The following PTPRD variants were observed in gnomAD, a reference collection of about 807,000 sequenced individuals.
PTPRD encodes the protein receptor-type tyrosine-protein phosphatase delta.
In PTPRD, 34 loss-of-function variants were observed where a neutral mutation model predicts 214.5. The ratio of observed to expected loss-of-function variants is 0.16; its 90% CI spans 0.12 to 0.21. The LOEUF is 0.21. PTPRD is among the 10% of genes least tolerant of loss of function. The pLI is 1.00. For synonymous variants in PTPRD, 1,128 were observed against 845.7 expected, an observed-to-expected ratio of 1.33 and a Z score of -5.79; for missense variants, 2,545 against 2,398.7, an observed-to-expected ratio of 1.06 and a Z score of -1.27.
At chr9:10,547,142 C>G (rs1413566081) in intron 2 of PTPRD, among the ~76,000 whole-genome samples, 1 of 152,064 alleles carries the variant, frequency 6.6e-6, no homozygotes, top group South Asian at 2.1e-4. Flanking sequence ...TCAATATCAA[C>G]AGAAGAATTG....
At chr9:9,057,113 A>G (rs989468741) in intron 10 of PTPRD, among the ~76,000 whole-genome samples, 1 of 152,216 alleles carries the variant, frequency 6.6e-6, no homozygotes, top group East Asian at 1.9e-4. Flanking sequence ...AACATATTAA[A>G]TAGTTGGCAT....
chr9:8,612,728 G>T (rs945586787), intron 14 of PTPRD, among the ~76,000 whole-genome samples: 1 of 152,184 alleles, frequency 6.6e-6, no homozygotes, highest in African/African-American at 2.4e-5. Flanking sequence ...ACTTCTGGGG[G>T]ACCCTGAGGC....
At chr9:10,324,666 A>T (rs1313548845) in intron 3 of PTPRD, among the ~76,000 whole-genome samples, 1 of 151,998 alleles carries the variant, frequency 6.6e-6, no homozygotes, top group African/African-American at 2.4e-5. Context: ...TTTCTGATAG[A>T]ATCTGCTGTG....
At chr9:10,324,853 T>A (rs540971482) in intron 3 of PTPRD, among the ~76,000 whole-genome samples, 1 of 152,142 alleles carries the variant, frequency 6.6e-6, no homozygotes, top group South Asian at 2.1e-4. Context: ...GTTCTCAAAG[T>A]TTTGGAACTA....
intron 14 of PTPRD, among the ~76,000 whole-genome samples, chr9:8,553,528 A>T (rs1162470980): frequency 6.6e-6 from 1 of 152,182 alleles, no homozygotes; most frequent in Admixed American, 6.5e-5. Context: ...TACCCTATGC[A>T]ATCAACTACA....
rs114616946 is a variant in PTPRD at position 8,666,207 on chromosome 9, G to A, written c.65-29363C>T. Among the ~76,000 whole-genome samples the A allele has an allele frequency of 3.6e-3, 551 of 152,220 alleles. 2 individuals carry two copies. The highest frequency in any genetic ancestry group is 0.012 in the African/African-American group (519 of 41,558). ...TTTTTTTCCCCTGCTGTAGAAAAGT[G>A]TCAACATTTGAGCAAATCATTAAAC... On this transcript the variant is annotated intron_variant, in intron 12 of 45. Transcript: ENST00000381196.
intron 5 of PTPRD, among the ~76,000 whole-genome samples, chr9:9,784,583 G>A (rs1565236354): frequency 1.3e-5 from 2 of 151,862 alleles, no homozygotes; most frequent in Non-Finnish European, 2.9e-5. Context: ...AAGCCATCAA[G>A]GTACATCTTA....
intron 3 of PTPRD, among the ~76,000 whole-genome samples, chr9:10,226,811 C>G (rs1322275136): frequency 6.6e-6 from 1 of 151,996 alleles, no homozygotes; most frequent in East Asian, 1.9e-4. Flanking sequence ...AGTTTAAACT[C>G]TAACTTATGT....
intron 3 of PTPRD, among the ~76,000 whole-genome samples, chr9:10,206,027 T>C (rs2099473961): frequency 6.6e-6 from 1 of 150,762 alleles, no homozygotes; most frequent in Non-Finnish European, 1.5e-5. Context: ...AATAATAGCT[T>C]TATGTAAAAA....
At chr9:9,134,015 G>C (rs1379036220) in intron 10 of PTPRD, among the ~76,000 whole-genome samples, 2 of 147,396 alleles carry the variant, frequency 1.4e-5, no homozygotes, top group Non-Finnish European at 3.0e-5. Context: ...TACTCCTGCA[G>C]TCTTTGGCAC....
intron 31 of PTPRD, among the ~76,000 whole-genome samples, chr9:8,466,693 T>C (rs1045445901): frequency 6.6e-6 from 1 of 151,916 alleles, no homozygotes; most frequent in Non-Finnish European, 1.5e-5. Context: ...TTATTTTATT[T>C]ATTTTAATAT....
chr9:9,650,315 G>A (rs995001495), intron 7 of PTPRD, among the ~76,000 whole-genome samples: 6 of 152,152 alleles, frequency 3.9e-5, no homozygotes, highest in African/African-American at 1.4e-4. Flanking sequence ...AAATTACCCA[G>A]TCTCAGGTAG....
intron 11 of PTPRD, among the ~76,000 whole-genome samples, chr9:8,889,843 C>G (rs965776523): frequency 1.3e-5 from 2 of 152,110 alleles, no homozygotes; most frequent in Non-Finnish European, 2.9e-5. Flanking sequence ...ACCACATTTT[C>G]TTTATCCACT....
chr9:9,417,886 A>T (rs2077450620), intron 8 of PTPRD, among the ~76,000 whole-genome samples: 1 of 152,090 alleles, frequency 6.6e-6, no homozygotes, highest in African/African-American at 2.4e-5. Context: ...ATTTCATTTC[A>T]TACTGGAAAA....
intron 3 of PTPRD, among the ~76,000 whole-genome samples, chr9:10,265,416 AG>A (rs1409034600): frequency 6.6e-6 from 1 of 152,206 alleles, no homozygotes; most frequent in Non-Finnish European, 1.5e-5. Flanking sequence ...TAGCCACATG[AG>A]TGAGTCCAGG....
chr9:10,464,436 G>C (rs980139210), intron 2 of PTPRD, among the ~76,000 whole-genome samples: 6 of 151,498 alleles, frequency 4.0e-5, no homozygotes, highest in African/African-American at 1.5e-4. Flanking sequence ...GAGAGACAGA[G>C]AGGAAAGGAG....
intron 3 of PTPRD, among the ~76,000 whole-genome samples, chr9:10,248,284 G>A (rs985558741): frequency 1.3e-5 from 2 of 151,950 alleles, no homozygotes; most frequent in Non-Finnish European, 2.9e-5. Context: ...TAAGAAATTT[G>A]TAAACAATTA....
chr9:10,212,812 G>T (rs984556466), intron 3 of PTPRD, among the ~76,000 whole-genome samples: 6 of 152,082 alleles, frequency 3.9e-5, no homozygotes, highest in Non-Finnish European at 8.8e-5. Flanking sequence ...CAGAATCAAG[G>T]AGCCTACTTT....
At chr9:9,449,720 T>G (rs2091561410) in intron 8 of PTPRD, among the ~76,000 whole-genome samples, 1 of 151,914 alleles carries the variant, frequency 6.6e-6, no homozygotes, top group Admixed American at 6.6e-5. Flanking sequence ...CAATTATATC[T>G]TATAGCAGTC....
Sources: gnomAD v4.1 joint callset for allele counts (sites outside exome capture counted in the v4.1 genomes callset) on GRCh38, gnomAD v4.1.1 for gene constraint, MANE v1.5 for transcripts, NCBI Gene and HGNC (gene_info 2026-07-23, HGNC 2026-07-21) for gene names.